Variants in PLAC1 observed in about 807,000 individuals in gnomAD.
PLAC1 encodes the protein placenta associated 1.
For synonymous variants in PLAC1, 68 were observed against 62.1 expected (o/e 1.09, Z -0.44); for missense variants, 136 against 163.2 (o/e 0.83, Z 0.91).
chrX:134,761,738 A>G (rs768178551), intron 1 of PLAC1, among the ~76,000 whole-genome samples: 2 of 112,322 alleles, frequency 1.8e-5, no homozygotes, highest in African/African-American at 6.5e-5. Flanking sequence ...AAAAGAAAAT[A>G]ATAAAATGCA....
chrX:134,740,669 A>T (rs112291657), intron 1 of PLAC1, among the ~76,000 whole-genome samples: 8,153 of 111,557 alleles, frequency 0.073, 750 homozygotes, highest in African/African-American at 0.25. Context: ...GGCTCTCAAG[A>T]TGAGTTCATC....
At chrX:134,569,778 GTGTGTGTGTT>G (rs1475692108) in intron 2 of PLAC1, among the ~76,000 whole-genome samples, 14 of 101,358 alleles carry the variant, frequency 1.4e-4, no homozygotes, top group African/African-American at 5.3e-4. Flanking sequence ...GTGTGTGTGT[GTGTGTGTGTT>G]TGTGTGTGTG....
At chrX:134,642,875 A>T (rs1422188125) in intron 1 of PLAC1, among the ~76,000 whole-genome samples, 1 of 110,697 alleles carries the variant, frequency 9.0e-6, no homozygotes, top group Non-Finnish European at 1.9e-5. Flanking sequence ...ACAAACAAAC[A>T]AAACACATCA....
intron 1 of PLAC1, among the ~76,000 whole-genome samples, chrX:134,739,062 A>G (rs1424576067): frequency 1.8e-5 from 2 of 112,318 alleles, no homozygotes; most frequent in East Asian, 2.8e-4. Flanking sequence ...ATAACTCCTT[A>G]TCGACAAGAG....
chrX:134,666,431 GA>G (rs1272050989), intron 2 of PLAC1, among the ~76,000 whole-genome samples: 10 of 107,027 alleles, frequency 9.3e-5, no homozygotes, highest in African/African-American at 2.7e-4. Flanking sequence ...TTTCCTTCGA[GA>G]AAAAAAAAAT....
intron 2 of PLAC1, among the ~76,000 whole-genome samples, chrX:134,598,541 C>T (rs2078072666): frequency 8.9e-6 from 1 of 112,394 alleles, no homozygotes; most frequent in Admixed American, 9.4e-5. Flanking sequence ...CTGCTGAGCA[C>T]ATGCTAATTG....
intron 1 of PLAC1, among the ~76,000 whole-genome samples, chrX:134,745,318 A>G (rs746065339): frequency 6.9e-4 from 77 of 111,890 alleles, no homozygotes; most frequent in African/African-American, 2.5e-3. Context: ...ATTTAGTCAT[A>G]TGCCCATTCC....
At chrX:134,576,533 C>G (rs925849675) in intron 2 of PLAC1, among the ~76,000 whole-genome samples, 3 of 80,981 alleles carry the variant, frequency 3.7e-5, no homozygotes, top group Non-Finnish European at 2.4e-5. Context: ...GAGACTCTGT[C>G]TCAAAAAAAA....
intron 1 of PLAC1, among the ~76,000 whole-genome samples, chrX:134,626,133 C>T (rs1257519785): frequency 8.9e-6 from 1 of 112,035 alleles, no homozygotes; most frequent in African/African-American, 3.2e-5. Flanking sequence ...TCCCTTCAGC[C>T]TGAAAGGTGG....
At chrX:134,572,886 G>A (rs1407959894) in intron 2 of PLAC1, among the ~76,000 whole-genome samples, 1 of 110,387 alleles carries the variant, frequency 9.1e-6, no homozygotes, top group Non-Finnish European at 1.9e-5. Context: ...TTTTTGTTTG[G>A]GCCATCTGGT....
chrX:134,593,039 T>A (rs1438227350), intron 2 of PLAC1, among the ~76,000 whole-genome samples: 1 of 111,447 alleles, frequency 9.0e-6, no homozygotes, highest in Non-Finnish European at 1.9e-5. Flanking sequence ...GTGTCTCTTT[T>A]TCTCTCTCTA....
chrX:134,684,877 G>A (rs1235728775), intron 2 of PLAC1, among the ~76,000 whole-genome samples: 1 of 112,168 alleles, frequency 8.9e-6, no homozygotes, highest in Admixed American at 9.4e-5. Context: ...CCTAAAGCTG[G>A]CCCTAGGCAT....
chrX:134,634,743 C>T (rs945104210), intron 1 of PLAC1, among the ~76,000 whole-genome samples: 6 of 112,204 alleles, frequency 5.3e-5, no homozygotes, highest in African/African-American at 1.6e-4. Flanking sequence ...TATGGATATA[C>T]TACATTTTGT....
chrX:134,687,410 A>T (rs1427213539), intron 2 of PLAC1, among the ~76,000 whole-genome samples: 1 of 110,995 alleles, frequency 9.0e-6, no homozygotes, highest in African/African-American at 3.3e-5. Context: ...TTTTAAGCTC[A>T]TCAGCTATCA....
chrX:134,709,551 G>A (rs907520961), intron 2 of PLAC1, among the ~76,000 whole-genome samples: 11 of 111,105 alleles, frequency 9.9e-5, no homozygotes, highest in Non-Finnish European at 2.1e-4. Context: ...GCTTGAACCC[G>A]GGATCGCGCC....
intron 2 of PLAC1, among the ~76,000 whole-genome samples, chrX:134,727,390 G>A (rs953466586): frequency 1.8e-5 from 2 of 111,954 alleles, no homozygotes; most frequent in Non-Finnish European, 3.8e-5. Flanking sequence ...AATGAATGCT[G>A]ATTTGCCTTG....
chrX:134,641,126 T>C (rs55769809), intron 1 of PLAC1, among the ~76,000 whole-genome samples: 5,439 of 111,026 alleles, frequency 0.049, 139 homozygotes, highest in Non-Finnish European at 0.079. Flanking sequence ...TGGTGGCACA[T>C]GCCTGTAATC....
chrX:134,699,908 C>T (rs1749771466), intron 2 of PLAC1, among the ~76,000 whole-genome samples: 1 of 112,135 alleles, frequency 8.9e-6, no homozygotes, highest in Non-Finnish European at 1.9e-5. Context: ...CTCATGTACA[C>T]TCTCTTCTGC....
At chrX:134,666,330 G>A (rs1295072837) in intron 2 of PLAC1, among the ~76,000 whole-genome samples, 1 of 111,487 alleles carries the variant, frequency 9.0e-6, no homozygotes, top group East Asian at 2.8e-4. Flanking sequence ...CAGGAAGGAC[G>A]TGTCCAGAAT....
Sources: allele counts gnomAD v4.1 joint callset (sites outside exome capture counted in the v4.1 genomes callset), GRCh38; gene constraint gnomAD v4.1.1; transcripts MANE v1.5; gene names NCBI Gene and HGNC (gene_info 2026-07-23, HGNC 2026-07-21).